The following TSC22D1 variants were observed in gnomAD, a reference collection of about 807,000 sequenced individuals.
TSC22D1 encodes the protein TSC22 domain family protein 1.
A neutral mutation model predicts 74.2 loss-of-function variants in TSC22D1; 9 were observed. The observed-to-expected ratio is 0.12, with a 90% confidence interval of 0.07 to 0.21. The LOEUF (loss-of-function observed/expected upper bound fraction) is 0.21, where lower values mean the gene tolerates loss of function less well. Ranked by LOEUF, TSC22D1 falls within the 10% of genes least tolerant of loss-of-function variation. The pLI is 1.00. For synonymous variants in TSC22D1, 586 were observed against 492.5 expected (o/e 1.19, Z -2.51); for missense variants, 1,427 against 1,304.7 (o/e 1.09, Z -1.44).
At chr13:44,451,672 T>C (rs1876145288) in intron 1 of TSC22D1, among the ~76,000 whole-genome samples, 1 of 152,156 alleles carries the variant, frequency 6.6e-6, no homozygotes, top group Non-Finnish European at 1.5e-5. Context: ...TTCTCACCAA[T>C]GAATTGAGAC....
chr13:44,437,072 G>C (rs1874756396), intron 1 of TSC22D1: 2 of 969,710 alleles, frequency 2.1e-6, no homozygotes, highest in Middle Eastern at 5.2e-4. Context: ...TGGGGTGCTG[G>C]GTTCGGAGGT....
At position 44,433,841 on chromosome 13, in the gene TSC22D1, G is replaced by T. The variant is rs1804591; in HGVS notation, c.*785C>A. ...CTTTAGGTGTGGTTTTTGTCATGTA[G>T]CAGTTTTTATGTAGATCTATATATA... On this transcript the variant is annotated 3_prime_UTR_variant, in exon 3 of 3. Transcript: ENST00000458659. 1 of 725,364 alleles carries T rather than the reference G, an allele frequency of 1.4e-6. No homozygotes were observed. Among genetic ancestry groups the T allele is most frequent in the Non-Finnish European group, 2.0e-6 (1 of 488,766 alleles). The allele number at this position is 725,364 out of a possible 1,614,324, so 44.9% of individuals were successfully genotyped here. A position where few individuals can be genotyped will look rare whatever the true frequency, so the allele number is the denominator to read the frequency against.
intron 1 of TSC22D1, among the ~76,000 whole-genome samples, chr13:44,460,923 T>C (rs1876964133): frequency 6.6e-6 from 1 of 152,142 alleles, no homozygotes; most frequent in South Asian, 2.1e-4. Context: ...AAAACAATGG[T>C]TTTTCTTAGC....
intron 1 of TSC22D1, among the ~76,000 whole-genome samples, chr13:44,565,432 TAAA>T (rs1883308167): frequency 6.6e-6 from 1 of 152,132 alleles, no homozygotes; most frequent in South Asian, 2.1e-4. Flanking sequence ...AATTGACTGG[TAAA>T]GAAGAAATGG....
At chr13:44,456,668 G>A (rs184707665) in intron 1 of TSC22D1, among the ~76,000 whole-genome samples, 1 of 152,184 alleles carries the variant, frequency 6.6e-6, no homozygotes. Flanking sequence ...GGGAACTGAA[G>A]AAACTTGTAA....
chr13:44,502,855 C>T (rs9590833), intron 1 of TSC22D1, among the ~76,000 whole-genome samples: 2,666 of 152,302 alleles, frequency 0.018, 67 homozygotes, highest in African/African-American at 0.06. Flanking sequence ...ACCTTATGAC[C>T]TAATCTTTAA....
intron 1 of TSC22D1, among the ~76,000 whole-genome samples, chr13:44,490,668 C>T (rs1016538837): frequency 6.6e-5 from 10 of 151,968 alleles, no homozygotes; most frequent in African/African-American, 2.4e-4. Context: ...GAGACCGAGG[C>T]GGGCAGATCA....
chr13:44,434,240 G>A lies in TSC22D1; in HGVS notation c.*386C>T, dbSNP rs1354575185. ...GGCGAGTCCAGTGAGGAGCTCCATC[G>A]CTTCACAACCCCATGTAGGACACTA... On this transcript the variant is annotated 3_prime_UTR_variant, in exon 3 of 3. Coordinates refer to ENST00000458659, the MANE Select transcript of TSC22D1 (RefSeq NM_183422.4). The A allele has an allele frequency of 6.4e-6, 9 of 1,413,104 alleles. No homozygotes were observed. Among genetic ancestry groups the A allele is most frequent in the South Asian group, 1.6e-5 (1 of 60,832 alleles). 87.5% of individuals were successfully genotyped at this position (1,413,104 alleles called of 1,614,324 possible).
At chr13:44,535,482 G>A (rs973449302) in intron 1 of TSC22D1, among the ~76,000 whole-genome samples, 2 of 152,034 alleles carry the variant, frequency 1.3e-5, no homozygotes, top group Middle Eastern at 3.4e-3. Flanking sequence ...AATTGCTTAG[G>A]ACATCTAAGC....
At chr13:44,460,990 G>A (rs1876967190) in intron 1 of TSC22D1, among the ~76,000 whole-genome samples, 1 of 152,160 alleles carries the variant, frequency 6.6e-6, no homozygotes, top group Non-Finnish European at 1.5e-5. Context: ...GAACAGAGAT[G>A]TTTTCAGATA....
intron 1 of TSC22D1, among the ~76,000 whole-genome samples, chr13:44,473,002 C>T (rs913091680): frequency 6.6e-6 from 1 of 152,124 alleles, no homozygotes; most frequent in African/African-American, 2.4e-5. Flanking sequence ...CAAGGAAGAG[C>T]AAGTCACGTC....
chr13:44,553,656 G>A (rs914123012), intron 1 of TSC22D1, among the ~76,000 whole-genome samples: 2 of 152,090 alleles, frequency 1.3e-5, no homozygotes, highest in African/African-American at 4.8e-5. Flanking sequence ...ACTGCTACAT[G>A]ACGCTGTATT....
At chr13:44,558,354 T>C (rs527959438) in intron 1 of TSC22D1, among the ~76,000 whole-genome samples, 77 of 152,360 alleles carry the variant, frequency 5.1e-4, no homozygotes, top group African/African-American at 1.7e-3. Flanking sequence ...ATCATTTCCC[T>C]GTCATATAAT....
intron 1 of TSC22D1, chr13:44,538,248 C>G: frequency 1.0e-6 from 1 of 985,294 alleles, no homozygotes; most frequent in Non-Finnish European, 1.2e-6. Context: ...CTACTTACAT[C>G]TCAAAAGATA....
rs147900600 is a variant in TSC22D1, at chr13:44,554,454, T to C, written c.2912+18709A>G. Among the ~76,000 whole-genome samples, 1,128 of 152,216 alleles carry C rather than the reference T, an allele frequency of 7.4e-3. 4 individuals are homozygous for C. Among genetic ancestry groups the C allele is most frequent in the Middle Eastern group, 0.01 (3 of 294 alleles). ...AAACTTATTTGGATAATTGAGAAGA[T>C]AAATCAAGATCTTATGATGCTTGAG... is the stretch of plus-strand genomic sequence containing the variant. On this transcript the variant is annotated intron_variant, in intron 1 of 2. Transcript: ENST00000458659.
At chr13:44,437,065 G>A in intron 1 of TSC22D1, 2 of 972,124 alleles carry the variant, frequency 2.1e-6, no homozygotes, top group Non-Finnish European at 2.4e-6. Context: ...GAGGGAGTGG[G>A]GTGCTGGGTT....
chr13:44,456,587 C>G (rs190218366), intron 1 of TSC22D1, among the ~76,000 whole-genome samples: 120 of 152,328 alleles, frequency 7.9e-4, no homozygotes, highest in African/African-American at 2.7e-3. Flanking sequence ...TCACCTTTCA[C>G]AATGACTAAC....
chr13:44,561,653 C>T (rs1403617055), intron 1 of TSC22D1, among the ~76,000 whole-genome samples: 2 of 152,180 alleles, frequency 1.3e-5, no homozygotes, highest in African/African-American at 2.4e-5. Context: ...ACTTCTCTGA[C>T]TCCCAATACT....
chr13:44,443,847 C>G (rs569108281), intron 1 of TSC22D1, among the ~76,000 whole-genome samples: 169 of 152,156 alleles, frequency 1.1e-3, no homozygotes, highest in Non-Finnish European at 1.9e-3. Flanking sequence ...ATGCTATAAA[C>G]TCTAAATCTA....
Sources: gnomAD v4.1 joint callset for allele counts (sites outside exome capture counted in the v4.1 genomes callset) on GRCh38, gnomAD v4.1.1 for gene constraint, MANE v1.5 for transcripts, NCBI Gene and HGNC (gene_info 2026-07-23, HGNC 2026-07-21) for gene names.